LRRC56: variants seen among roughly 807,000 people sequenced by gnomAD.
LRRC56 encodes leucine rich repeat containing 56.
In LRRC56, 41 loss-of-function variants were observed where a neutral mutation model predicts 47.8. The ratio of observed to expected loss-of-function variants is 0.86; its 90% confidence interval spans 0.67 to 1.11. LRRC56 has a LOEUF of 1.11. Ranked by LOEUF, LRRC56 falls within the 50% of genes most tolerant of loss-of-function variation. LRRC56 has a pLI of 0.00. For synonymous variants in LRRC56, 387 were observed against 311.2 expected (o/e 1.24, Z -2.56); for missense variants, 759 against 704.2 (o/e 1.08, Z -0.88).
At chr11:539,221 C>T (rs1851664455) in intron 2 of LRRC56, among the ~76,000 whole-genome samples, 1 of 152,126 alleles carries the variant, frequency 6.6e-6, no homozygotes, top group African/African-American at 2.4e-5. Context: ...GCTGGGACTA[C>T]AGGCGTCCGC....
At chr11:514,903 T>C in the LRRC56 span, among the ~76,000 whole-genome samples, 1 of 152,262 alleles carries the variant, frequency 6.6e-6, no homozygotes, top group Admixed American at 6.5e-5. Flanking sequence ...TAGATGGTTT[T>C]CTCCCCGGCT....
chr11:528,208 G>A, the LRRC56 span, among the ~76,000 whole-genome samples: 4 of 152,216 alleles, frequency 2.6e-5, 1 homozygote, highest in South Asian at 6.2e-4. Context: ...TTGTGGGATC[G>A]CTGTGGCGGA....
At chr11:509,853 A>G in the LRRC56 span, among the ~76,000 whole-genome samples, 1 of 150,906 alleles carries the variant, frequency 6.6e-6, no homozygotes, top group Admixed American at 6.6e-5. Flanking sequence ...TTATTTTTGA[A>G]CTTACCTGCC....
At chr11:539,147 C>T (rs1267134212) in intron 2 of LRRC56, among the ~76,000 whole-genome samples, 3 of 152,210 alleles carry the variant, frequency 2.0e-5, no homozygotes, top group African/African-American at 7.2e-5. Context: ...GTGGTGCCAT[C>T]TTGGCTCACT....
chr11:524,108 C>T, the LRRC56 span, among the ~76,000 whole-genome samples: 1 of 152,074 alleles, frequency 6.6e-6, no homozygotes, highest in Admixed American at 6.6e-5. Flanking sequence ...CCCAGCAGGA[C>T]TTTCTGTAGA....
At chr11:515,136 C>G in the LRRC56 span, among the ~76,000 whole-genome samples, 1 of 152,150 alleles carries the variant, frequency 6.6e-6, no homozygotes, top group African/African-American at 2.4e-5. Flanking sequence ...CAAGGCCTGG[C>G]CTGTGGGTGC....
the LRRC56 span, among the ~76,000 whole-genome samples, chr11:508,419 A>G: frequency 6.6e-6 from 1 of 152,198 alleles, no homozygotes; most frequent in South Asian, 2.1e-4. Context: ...TCAGCCTCCC[A>G]TATCGCTGGA....
intron 13 of LRRC56, 77 bp from the exon 14 acceptor site, chr11:553,885 TG>T: frequency 7.5e-7 from 1 of 1,336,170 alleles, no homozygotes; most frequent in Non-Finnish European, 1.0e-6. Flanking sequence ...GGGCCACGGG[TG>T]GGCTGTGGCC....
chr11:541,428 C>T lies in LRRC56; in HGVS notation c.178-109C>T, dbSNP rs1257126835. 16 of 565,656 alleles carry T rather than the reference C, an allele frequency of 2.8e-5. No homozygotes were observed. The Admixed American group carries it at 5.2e-4, about 18-fold the overall frequency. 35.0% of individuals were successfully genotyped at this position (565,656 alleles called of 1,614,324 possible). A position where few individuals can be genotyped will look rare whatever the true frequency, so the allele number is the denominator to read the frequency against. On this transcript the variant is annotated intron_variant, in intron 4 of 13. Transcript: ENST00000270115. This position sits in a 1 kb window ranked among gnomAD's most constrained non-coding sequence, Gnocchi z 4.1. ...GGCCAACATGGCCCAGGCAGGGAAA[C>T]GTCGGTGCCTGCTCCAGCGGGAGCC...
chr11:533,276 C>G (rs1226898039), upstream of LRRC56: 1 of 1,585,020 alleles, frequency 6.3e-7, no homozygotes, highest in Non-Finnish European at 8.5e-7. Context: ...GGGAGACTTA[C>G]AGCGCGAGGG....
At chr11:512,154 G>C in the LRRC56 span, among the ~76,000 whole-genome samples, 2 of 152,118 alleles carry the variant, frequency 1.3e-5, no homozygotes, top group East Asian at 3.8e-4. Flanking sequence ...ACGTTGGACA[G>C]GCTGGTCTCA....
upstream of LRRC56, chr11:532,787 C>T (rs113344415): frequency 5.6e-6 from 9 of 1,607,408 alleles, no homozygotes; most frequent in African/African-American, 2.7e-5. Context: ...CAGGAGGGAC[C>T]GGCCTGTGGC....
the LRRC56 span, among the ~76,000 whole-genome samples, chr11:520,429 T>G: frequency 6.6e-6 from 1 of 152,080 alleles, no homozygotes; most frequent in Non-Finnish European, 1.5e-5. Flanking sequence ...CCAGTGATTC[T>G]CCTGCCTCAG....
At chr11:533,920 T>C (rs2133991578), upstream of LRRC56, 1 of 1,612,706 alleles carries the variant, frequency 6.2e-7, no homozygotes. Context: ...TCCCCATCAA[T>C]GACCACCTGC....
In LRRC56 at chr11:540,679, A is replaced by C; in HGVS notation, c.-6A>C. ...CACTGTGCCTCTGTCAGCAGGTGAC[A>C]TGTGAATGGATCTGGGCTGGGACAG... On this transcript the variant is annotated 5_prime_UTR_variant, in exon 4 of 14. It removes an upstream start codon present in the reference 5' UTR. Transcript: ENST00000270115. The C allele has an allele frequency of 6.2e-7, 1 of 1,611,932 alleles. No homozygotes were observed. The highest frequency in any genetic ancestry group is 8.5e-7 in the Non-Finnish European group (1 of 1,179,482).
rs963281906 is a variant in LRRC56 at position 537,563 on chromosome 11, A to G, written c.-464A>G. The G allele has an allele frequency of 6.6e-6, 1 of 152,310 alleles. No homozygotes were observed. The highest frequency in any genetic ancestry group is 2.4e-5 in the African/African-American group (1 of 41,474). 9.4% of individuals were successfully genotyped at this position (152,310 alleles called of 1,614,324 possible). On this transcript the variant is annotated 5_prime_UTR_variant, in exon 1 of 14. Transcript: ENST00000270115. The stretch of plus-strand genomic sequence containing the variant: ...CAGCGCCTGGAGGTGGAGGGCGCCC[A>G]GGGCCGAGCTGCCAGGGCCGGACAC...
At position 551,141 on chromosome 11, in the gene LRRC56, G is replaced by A; in HGVS notation, c.635G>A (p.Gly212Asp). The A allele has an allele frequency of 1.3e-6, 2 of 1,489,070 alleles. No homozygotes were observed. Among genetic ancestry groups the A allele is most frequent in the South Asian group, 1.3e-5 (1 of 78,724 alleles). 92.2% of individuals were successfully genotyped at this position (1,489,070 alleles called of 1,614,324 possible). A position where few individuals can be genotyped will look rare whatever the true frequency, so the allele number is the denominator to read the frequency against. Residue 212 changes from glycine to aspartate, a missense_variant, in exon 9 of 14, where the codon GGC becomes GAC. Gly to Asp is a moderately conservative substitution (Grantham distance 94). Coordinates refer to ENST00000270115, the MANE Select transcript of LRRC56 (RefSeq NM_198075.4). ...CCCCTCCCCCTGCAGGTGCCCAGGG[G>A]CTACAACTACAGGGCAGAGGTGAGG... ...APGPTNKVPR[G>D]YNYRAEVRKL...
At chr11:517,235 A>G in the LRRC56 span, among the ~76,000 whole-genome samples, 1 of 152,198 alleles carries the variant, frequency 6.6e-6, no homozygotes, top group African/African-American at 2.4e-5. Flanking sequence ...TGGCCTCCCA[A>G]AGTGCTAAGA....
chr11:549,854 G>C, intron 6 of LRRC56, 48 bp from the exon 7 acceptor site: 1 of 1,545,340 alleles, frequency 6.5e-7, no homozygotes, highest in Non-Finnish European at 8.9e-7. Flanking sequence ...GGTGGTGGCT[G>C]AGCACAGGGC....
Sources: gnomAD v4.1 joint callset for allele counts (sites outside exome capture counted in the v4.1 genomes callset) on GRCh38, gnomAD v4.1.1 for gene constraint, Gnocchi (gnomAD v3.1) non-coding constraint, MANE v1.5 for transcripts, NCBI Gene and HGNC (gene_info 2026-07-23, HGNC 2026-07-21) for gene names.